Variants in PCNT observed in about 807,000 individuals in gnomAD.
PCNT encodes kendrin.
A neutral mutation model predicts 380.4 loss-of-function variants in PCNT; 319 were observed. The ratio of observed to expected loss-of-function variants is 0.84; its 90% CI spans 0.77 to 0.92. The LOEUF is 0.92. PCNT is among the 40% of genes least tolerant of loss of function. PCNT has a pLI of 0.00. For synonymous variants in PCNT, 1,845 were observed against 1,735.2 expected (o/e 1.06, Z -1.57); for missense variants, 4,400 against 4,255.3 (o/e 1.03, Z -0.95).
rs2086802807 is a variant in PCNT at position 46,411,965 on chromosome 21, C to T, written c.5892C>T (p.Ala1964=). 1.2e-6 allele frequency: 2 copies of T among 1,600,614 alleles called. No individual in the cohort carries two copies. Residue 1964 remains alanine (A), a synonymous_variant, in exon 28 of 47, where the codon GCC becomes GCT. Coordinates refer to ENST00000359568, the MANE Select transcript of PCNT (RefSeq NM_006031.6). ...RATAHTRVPG[A]HPQPRMDGGA... is the part of the protein sequence containing the mutation. ...CAGCTCACACACGGGTGCCCGGGGC[C>T]CACCCACAGCCTCGCATGGATGGTG...
chr21:46,352,962 G>T (rs1303967887), intron 9 of PCNT, 142 bp from the exon 10 acceptor site: 2 of 723,504 alleles, frequency 2.8e-6, no homozygotes, highest in African/African-American at 1.7e-5. Context: ...TAAGCCGTAG[G>T]GGTCCCTCAT....
At chr21:46,389,758 A>G (rs1260868065) in intron 19 of PCNT, among the ~76,000 whole-genome samples, 2 of 152,266 alleles carry the variant, frequency 1.3e-5, no homozygotes, top group East Asian at 1.9e-4. Flanking sequence ...TAAAAAAGAC[A>G]TTAAGTAGGA....
chr21:46,366,747 G>A lies in PCNT; in HGVS notation c.2773G>A (p.Ala925Thr), dbSNP rs2084943309. 1.9e-6 allele frequency: 3 copies of A among 1,613,578 alleles called. No individual in the cohort carries two copies. The highest frequency in any genetic ancestry group is 1.1e-5 in the South Asian group (1 of 91,080). ...VTAELEARHQ[A>T]ALGELTASLE... The stretch of plus-strand genomic sequence containing the variant: ...GGCGGAGCTCGAGGCCAGACACCAG[G>A]CCGCGTTGGGCGAGCTGACAGCCTC... The change falls in exon 15 of 47, where the codon GCC becomes ACC. Residue 925 changes from alanine to threonine, a missense_variant. Transcript: ENST00000359568.
Position 46,389,444 on chromosome 21 carries a change from C to A in PCNT, c.3840+13C>A, listed in dbSNP as rs1308647209. The A allele has an allele frequency of 1.2e-6, 2 of 1,602,938 alleles. No individual in the cohort carries two copies. Among genetic ancestry groups the A allele is most frequent in the African/African-American group, 1.3e-5 (1 of 74,690 alleles). On this transcript the variant is annotated intron_variant, in intron 19 of 46. Coordinates refer to ENST00000359568, the MANE Select transcript of PCNT (RefSeq NM_006031.6). The stretch of plus-strand genomic sequence containing the variant: ...CTCCAGCAGGCAGGTGAGGCCCAGG[C>A]TCCCGGGGTCCTGTGGAGATGTGAA...
rs765228941 is a variant in PCNT, at chr21:46,355,591, A to G, written c.1901A>G (p.Glu634Gly). ...GTAGAGACTTCAGCATTGGGACACG[A>G]GTGGCGTCTGGAACCCTCTGAAGGG... ...CCVETSALGH[E>G]WRLEPSEGHS... The change falls in exon 12 of 47, where the codon GAG (glutamate) becomes GGG (glycine). Residue 634 changes from glutamate (E) to glycine (G), a missense_variant. Physicochemically the swap from Glu to Gly is moderately conservative, Grantham distance 98. Transcript: ENST00000359568. 5 of 1,613,910 alleles carry G rather than the reference A, an allele frequency of 3.1e-6. No homozygotes were observed. In the Admixed American group the frequency reaches 5.0e-5, roughly 16 times the overall value.
intron 16 of PCNT, among the ~76,000 whole-genome samples, chr21:46,382,182 G>A (rs1010351349): frequency 1.4e-5 from 2 of 143,360 alleles, no homozygotes; most frequent in African/African-American, 5.1e-5. Context: ...AGTGGCGGAA[G>A]CGCATTCATA....
chr21:46,405,275 T>C (rs1426167272), intron 27 of PCNT, among the ~76,000 whole-genome samples: 1 of 152,202 alleles, frequency 6.6e-6, no homozygotes, highest in Non-Finnish European at 1.5e-5. Context: ...TAAGGAGAAG[T>C]TTGTCTCCAG....
chr21:46,439,512 A>C (rs1468188703), intron 41 of PCNT, among the ~76,000 whole-genome samples: 1 of 152,144 alleles, frequency 6.6e-6, no homozygotes, highest in African/African-American at 2.4e-5. Context: ...GTACACTCTT[A>C]AGTCATCTCT....
chr21:46,420,058 GTCCAC>G (rs1201324833), intron 31 of PCNT, among the ~76,000 whole-genome samples: 2 of 152,200 alleles, frequency 1.3e-5, no homozygotes, highest in African/African-American at 4.8e-5. Flanking sequence ...TCGCGTGCCT[GTCCAC>G]TGCCTCTGTG....
intron 13 of PCNT, 65 bp from the exon 14 acceptor site, chr21:46,363,415 T>C: frequency 7.5e-7 from 1 of 1,341,546 alleles, no homozygotes. Context: ...TGGGTTTGGG[T>C]TGTCTCTTCT....
At chr21:46,366,348 G>A (rs982009850) in intron 14 of PCNT, among the ~76,000 whole-genome samples, 1 of 152,114 alleles carries the variant, frequency 6.6e-6, no homozygotes, top group Non-Finnish European at 1.5e-5. Context: ...GTGACCTGGC[G>A]ACTCCCATGG....
chr21:46,325,358 C>A, intron 1 of PCNT: 1 of 269,876 alleles, frequency 3.7e-6, no homozygotes, highest in African/African-American at 2.3e-5. Context: ...CTGCAGGGAG[C>A]TGCGAACAGG....
At chr21:46,412,770 C>A (rs1423866642) in intron 28 of PCNT, 67 bp from the exon 29 acceptor site, 4 of 1,564,622 alleles carry the variant, frequency 2.6e-6, no homozygotes, top group Admixed American at 1.7e-5. Context: ...CAGCTCCAGG[C>A]CACCTGAGGG....
At chr21:46,335,776 C>T (rs1490820657) in intron 3 of PCNT, among the ~76,000 whole-genome samples, 2 of 151,626 alleles carry the variant, frequency 1.3e-5, no homozygotes, top group Non-Finnish European at 2.9e-5. Flanking sequence ...ACCTCCGCCT[C>T]CTGGGTTCAA....
chr21:46,347,534 A>G, intron 6 of PCNT, 22 bp downstream of exon 6: 1 of 1,610,982 alleles, frequency 6.2e-7, no homozygotes, highest in Non-Finnish European at 8.5e-7. Context: ...CGATTCTAAA[A>G]TGCACGCCTC....
chr21:46,412,738 T>G, intron 28 of PCNT, 99 bp from the exon 29 acceptor site: 1 of 1,281,700 alleles, frequency 7.8e-7, no homozygotes, highest in Non-Finnish European at 1.1e-6. Context: ...CTGGCATCCC[T>G]GCTGGCTGCC....
At position 46,445,396 on chromosome 21, in the gene PCNT, A is replaced by G. The variant is rs1216918923; in HGVS notation, c.*69A>G. 7.0e-6 allele frequency: 9 copies of G among 1,287,440 alleles called. No homozygotes were observed. The highest frequency in any genetic ancestry group is 9.1e-6 in the Non-Finnish European group (8 of 881,760). 79.8% of individuals were successfully genotyped at this position (1,287,440 alleles called of 1,614,324 possible). On this transcript the variant is annotated 3_prime_UTR_variant, in exon 47 of 47. Transcript: ENST00000359568. Reference sequence around the variant, plus strand: ...AAAGATTTGTTTTTCCCTTTTCCCAAGGAAGCTCGTGGGACAGCATGGGCA... The same window carrying G: ...AAAGATTTGTTTTTCCCTTTTCCCAGGGAAGCTCGTGGGACAGCATGGGCA...
intron 3 of PCNT, among the ~76,000 whole-genome samples, chr21:46,339,322 C>T (rs1398593345): frequency 6.6e-6 from 1 of 152,186 alleles, no homozygotes; most frequent in African/African-American, 2.4e-5. Flanking sequence ...CTTGTGTTCA[C>T]TGCCGTGGCC....
At chr21:46,330,866 A>T (rs781333733) in intron 2 of PCNT, among the ~76,000 whole-genome samples, 1 of 152,232 alleles carries the variant, frequency 6.6e-6, no homozygotes, top group Non-Finnish European at 1.5e-5. Flanking sequence ...TGCGTCGGAG[A>T]TCAGGAATCC....
Sources: allele counts gnomAD v4.1 joint callset (sites outside exome capture counted in the v4.1 genomes callset), GRCh38; gene constraint gnomAD v4.1.1; transcripts MANE v1.5; gene names NCBI Gene and HGNC (gene_info 2026-07-23, HGNC 2026-07-21).